The following PTPRN2 variants were observed in gnomAD, a reference collection of about 807,000 sequenced individuals.
PTPRN2 encodes the protein receptor-type tyrosine-protein phosphatase N2.
In PTPRN2, 74 loss-of-function variants were observed where a neutral mutation model predicts 118.8. That is an observed-to-expected ratio of 0.62 (90% CI 0.52 to 0.76). The LOEUF is 0.76. PTPRN2 is among the 30% of genes least tolerant of loss of function. PTPRN2 has a pLI of 0.00. For synonymous variants in PTPRN2, 641 were observed against 608.0 expected (o/e 1.05, Z -0.80); for missense variants, 1,481 against 1,394.4 (o/e 1.06, Z -0.99).
At position 157,903,682 on chromosome 7, in the gene PTPRN2, T is replaced by C. The variant is rs77736588; in HGVS notation, c.1724-4945A>G. Among the ~76,000 whole-genome samples, 2,415 of 150,430 alleles carry C rather than the reference T, an allele frequency of 0.016. 56 individuals carry two copies. The highest frequency in any genetic ancestry group is 0.055 in the African/African-American group (2,239 of 40,810). On this transcript the variant is annotated intron_variant, in intron 11 of 22. Coordinates refer to ENST00000389418, the MANE Select transcript of PTPRN2 (RefSeq NM_002847.5). The surrounding 1 kb of genome is among the most constrained non-coding windows in gnomAD (Gnocchi z 4.2). ...TTTATACTAAAAGGTTTTAAGAGAG[T>C]ACAAGGGACAGTTTCATTCTCGAGC...
At chr7:158,008,150 T>C (rs1450634572) in intron 11 of PTPRN2, among the ~76,000 whole-genome samples, 1 of 150,046 alleles carries the variant, frequency 6.7e-6, no homozygotes, top group Non-Finnish European at 1.5e-5. Flanking sequence ...TGTGTGAGTG[T>C]GTGTGGGTGT....
At position 157,868,573 on chromosome 7, in the gene PTPRN2, A is replaced by ATG. The variant is rs1810861720; in HGVS notation, c.1788+30098_1788+30099dup. 2.0e-5 allele frequency: 3 copies of ATG among 152,356 alleles called. No individual in the cohort carries two copies. Among genetic ancestry groups the ATG allele is most frequent in the African/African-American group, 7.2e-5 (3 of 41,584 alleles). The allele number at this position is 152,356 out of a possible 1,614,324, so 9.4% of individuals were successfully genotyped here. A position where few individuals can be genotyped will look rare whatever the true frequency, so the allele number is the denominator to read the frequency against. ...TTAAATTTTTTAAAGGGAAGAAAGT[A>ATG]TGACACATGGAGAAAAAGGTGCAGC... On this transcript the variant is annotated intron_variant, in intron 12 of 22. Coordinates refer to ENST00000389418, the MANE Select transcript of PTPRN2 (RefSeq NM_002847.5). The surrounding 1 kb of genome is among the most constrained non-coding windows in gnomAD (Gnocchi z 5.2).
rs148634610 is a variant in PTPRN2 at position 158,222,927 on chromosome 7, A to C, written c.278-17654T>G. Among the ~76,000 whole-genome samples the C allele has an allele frequency of 4.7e-3, 713 of 152,290 alleles. 7 individuals are homozygous for C. Among genetic ancestry groups the C allele is most frequent in the African/African-American group, 0.016 (680 of 41,572 alleles). Reference sequence around the variant, plus strand: ...TTGAAAAAAATCAGTAAAATTGACAAATCTCTATCAAGACTAACAAAAAAC... The same window carrying C: ...TTGAAAAAAATCAGTAAAATTGACACATCTCTATCAAGACTAACAAAAAAC... On this transcript the variant is annotated intron_variant, in intron 3 of 22. Coordinates refer to ENST00000389418, the MANE Select transcript of PTPRN2 (RefSeq NM_002847.5).
At chr7:157,890,093 G>T (rs111943104) in intron 12 of PTPRN2, among the ~76,000 whole-genome samples, 1 of 151,708 alleles carries the variant, frequency 6.6e-6, no homozygotes, top group African/African-American at 2.4e-5. Flanking sequence ...TTTGGTGAAG[G>T]TTTTGTTTTT....
intron 2 of PTPRN2, among the ~76,000 whole-genome samples, chr7:158,429,254 CA>C (rs1272033530): frequency 6.6e-6 from 1 of 152,228 alleles, no homozygotes; most frequent in Non-Finnish European, 1.5e-5. Flanking sequence ...CTCTCCACAG[CA>C]GGAGCTCCCC....
chr7:157,765,189 CATT>C (rs1802379126), intron 12 of PTPRN2, among the ~76,000 whole-genome samples: 1 of 151,664 alleles, frequency 6.6e-6, no homozygotes, highest in Non-Finnish European at 1.5e-5. Context: ...ATCCATCCAT[CATT>C]CCTCCATGCA....
At position 157,780,270 on chromosome 7, in the gene PTPRN2, C is replaced by G. The variant is rs573630962; in HGVS notation, c.1789-97333G>C. On this transcript the variant is annotated intron_variant, in intron 12 of 22. Coordinates refer to ENST00000389418, the MANE Select transcript of PTPRN2 (RefSeq NM_002847.5). The surrounding 1 kb of genome is among the most constrained non-coding windows in gnomAD (Gnocchi z 4.5). ...GCTCGCTCCCCTTGCTCCTTACACA[C>G]GGCCTTCCCACTCCCAGCTAACACC... Among the ~76,000 whole-genome samples, 1 of 152,212 alleles carries G rather than the reference C, an allele frequency of 6.6e-6. No individual in the cohort carries two copies. The highest frequency in any genetic ancestry group is 2.4e-5 in the African/African-American group (1 of 41,458).
intron 9 of PTPRN2, among the ~76,000 whole-genome samples, chr7:158,132,524 A>G (rs1348172569): frequency 6.8e-6 from 1 of 146,964 alleles, no homozygotes; most frequent in East Asian, 2.0e-4. Context: ...CATTTACCCA[A>G]CGTACACTCA....
At chr7:157,572,467 C>T (rs1799801962) in intron 19 of PTPRN2, among the ~76,000 whole-genome samples, 1 of 152,220 alleles carries the variant, frequency 6.6e-6, no homozygotes, top group African/African-American at 2.4e-5. Context: ...GGAAAGTAAA[C>T]ATTCCATCAA....
chr7:158,097,709 C>T (rs1330227016), intron 10 of PTPRN2, among the ~76,000 whole-genome samples: 1 of 152,254 alleles, frequency 6.6e-6, no homozygotes, highest in Non-Finnish European at 1.5e-5. Flanking sequence ...CGTAAAAACC[C>T]GGCTGCGGTC....
chr7:157,995,579 A>C (rs180702113), intron 11 of PTPRN2, among the ~76,000 whole-genome samples: 18 of 152,364 alleles, frequency 1.2e-4, no homozygotes, highest in African/African-American at 3.8e-4. Context: ...GAAGGCAGCA[A>C]ACCTGCAGTC....
At chr7:157,758,549 C>G in intron 12 of PTPRN2, among the ~76,000 whole-genome samples, 1 of 152,236 alleles carries the variant, frequency 6.6e-6, no homozygotes, top group East Asian at 1.9e-4. Flanking sequence ...GGAGCCGAGG[C>G]AGGTGGCAGC....
chr7:157,958,464 T>C (rs1429754844), intron 11 of PTPRN2, among the ~76,000 whole-genome samples: 1 of 152,232 alleles, frequency 6.6e-6, no homozygotes, highest in African/African-American at 2.4e-5. Context: ...AAATTGTTTC[T>C]GTTCACTTAT....
In PTPRN2 at chr7:157,929,887, C is replaced by G. The variant is rs1799259418; in HGVS notation, c.1724-31150G>C. ...TATTGTAATGAATCTGAAGGCAGCCCCCACCAACGCGCTGGCTGCCTTGGG... is the reference window on the plus strand; with the variant it reads ...TATTGTAATGAATCTGAAGGCAGCCGCCACCAACGCGCTGGCTGCCTTGGG... On this transcript the variant is annotated intron_variant, in intron 11 of 22. Coordinates refer to ENST00000389418, the MANE Select transcript of PTPRN2 (RefSeq NM_002847.5). The surrounding 1 kb of genome is among the most constrained non-coding windows in gnomAD (Gnocchi z 4.4). Among the ~76,000 whole-genome samples, 1 of 152,154 alleles carries G rather than the reference C, an allele frequency of 6.6e-6. No individual in the cohort carries two copies. Among genetic ancestry groups the G allele is most frequent in the Non-Finnish European group, 1.5e-5 (1 of 68,034 alleles).
intron 3 of PTPRN2, among the ~76,000 whole-genome samples, chr7:158,220,855 AAAG>A (rs1453626965): frequency 1.3e-5 from 2 of 151,908 alleles, no homozygotes; most frequent in Admixed American, 1.3e-4. Flanking sequence ...TAGAAAAAAA[AAAG>A]AATTATAAAA....
At chr7:157,911,852 C>T (rs1159032525) in intron 11 of PTPRN2, among the ~76,000 whole-genome samples, 2 of 150,800 alleles carry the variant, frequency 1.3e-5, no homozygotes, top group African/African-American at 4.8e-5. Context: ...TGTGATGTGC[C>T]TTCCGTCTTC....
Position 157,552,467 on chromosome 7 carries a change from C to T in PTPRN2, c.2903-3448G>A, listed in dbSNP as rs186287418. The stretch of plus-strand genomic sequence containing the variant: ...CACACACCCCAACTGCTGACCTCAG[C>T]GAGATGCTGACCTGGACCACGTGGG... On this transcript the variant is annotated intron_variant, in intron 21 of 22. Transcript: ENST00000389418. Among the ~76,000 whole-genome samples, 593 of 152,082 alleles carry T rather than the reference C, an allele frequency of 3.9e-3. 5 individuals are homozygous for T. The highest frequency in any genetic ancestry group is 0.013 in the African/African-American group (551 of 41,492).
intron 3 of PTPRN2, among the ~76,000 whole-genome samples, chr7:158,270,505 C>G (rs1186743785): frequency 2.6e-5 from 4 of 152,120 alleles, no homozygotes; most frequent in Non-Finnish European, 5.9e-5. Context: ...CCCCCGACCC[C>G]CTGGCTCCCT....
chr7:158,490,038 T>A (rs1208090013), intron 1 of PTPRN2, among the ~76,000 whole-genome samples: 1 of 152,124 alleles, frequency 6.6e-6, no homozygotes, highest in Non-Finnish European at 1.5e-5. Flanking sequence ...AGCTCTGGGC[T>A]GAGGGTCAAG....
Sources: gnomAD v4.1 joint callset for allele counts (sites outside exome capture counted in the v4.1 genomes callset) on GRCh38, gnomAD v4.1.1 for gene constraint, Gnocchi (gnomAD v3.1) non-coding constraint, MANE v1.5 for transcripts, NCBI Gene and HGNC (gene_info 2026-07-23, HGNC 2026-07-21) for gene names.